Variants in MTA1 observed in about 807,000 individuals in gnomAD.
MTA1 encodes metastasis-associated protein MTA1.
MTA1 carries 15 observed loss-of-function variants against 97.0 expected under a neutral mutation model. That is an observed-to-expected ratio of 0.15 (90% CI 0.10 to 0.24). The LOEUF (loss-of-function observed/expected upper bound fraction) is 0.24. MTA1 is among the 10% of genes least tolerant of loss of function. MTA1 has a pLI of 1.00. For missense variants in MTA1, 709 were observed against 1,015.1 expected, an observed-to-expected ratio of 0.70 and a Z score of 4.10; for synonymous variants, 435 against 417.5, an observed-to-expected ratio of 1.04 and a Z score of -0.51.
intron 2 of MTA1, among the ~76,000 whole-genome samples, chr14:105,439,329 G>C (rs1220545297): frequency 6.6e-6 from 1 of 151,928 alleles, no homozygotes; most frequent in African/African-American, 2.4e-5. Flanking sequence ...TGAGTCCTTG[G>C]CAGTTGCTTG....
At position 105,463,870 on chromosome 14, in the gene MTA1, C is replaced by T; in HGVS notation, c.1077-162C>T. 1.4e-6 allele frequency: 1 copy of T among 731,938 alleles called. No homozygotes were observed. The highest frequency in any genetic ancestry group is 2.7e-5 in the East Asian group (1 of 37,110). The allele number at this position is 731,938 out of a possible 1,614,324, so 45.3% of individuals were successfully genotyped here. On this transcript the variant is annotated intron_variant, in intron 12 of 20. Coordinates refer to ENST00000331320, the MANE Select transcript of MTA1 (RefSeq NM_004689.4). This position sits in a 1 kb window ranked among gnomAD's most constrained non-coding sequence, Gnocchi z 5.9. ...AACGGCTCAGACCTCAGCAGTGGCT[C>T]CCAGGAACTGAAAGGGGAGAAAGGA...
At chr14:105,465,457 C>G (rs1448898651) in intron 16 of MTA1, 2 of 308,170 alleles carry the variant, frequency 6.5e-6, no homozygotes, top group East Asian at 1.0e-4. Flanking sequence ...TCAAGGCACA[C>G]CCGGGGGCTT....
At chr14:105,454,118 C>T (rs587682333) in intron 6 of MTA1, 75 bp from the exon 7 acceptor site, 44 of 1,129,314 alleles carry the variant, frequency 3.9e-5, no homozygotes, top group African/African-American at 2.9e-4. Flanking sequence ...GCAGCCCGGC[C>T]GTGCTGACGC....
At position 105,450,051 on chromosome 14, in the gene MTA1, C is replaced by G. The variant is rs1223559273; in HGVS notation, c.242-7C>G. 1 of 1,613,460 alleles carries G rather than the reference C, an allele frequency of 6.2e-7. No individual in the cohort carries two copies. The highest frequency in any genetic ancestry group is 8.5e-7 in the Non-Finnish European group (1 of 1,179,868). On this transcript the variant is annotated splice_polypyrimidine_tract_variant and splice_region_variant and intron_variant, in intron 4 of 20. Coordinates refer to ENST00000331320, the MANE Select transcript of MTA1 (RefSeq NM_004689.4). The stretch of plus-strand genomic sequence containing the variant: ...CGCGGTGCTGACAGGGGCTCCTTGT[C>G]CTTCAGGGGAAATAGAAGAGGAAAT...
At position 105,463,047 on chromosome 14, in the gene MTA1, C is replaced by A; in HGVS notation, c.943-137C>A. 1.2e-6 allele frequency: 1 copy of A among 817,158 alleles called. No homozygotes were observed. The highest frequency in any genetic ancestry group is 1.6e-5 in the South Asian group (1 of 63,290). 50.6% of individuals were successfully genotyped at this position (817,158 alleles called of 1,614,324 possible). On this transcript the variant is annotated intron_variant, in intron 10 of 20. Coordinates refer to ENST00000331320, the MANE Select transcript of MTA1 (RefSeq NM_004689.4). The surrounding 1 kb of genome is among the most constrained non-coding windows in gnomAD (Gnocchi z 5.9). ...ACCTGCCTGCCAGCAGGGGCCTGGCCTCCGTGCACCAAGCACACCTCGCCC... is the reference window on the plus strand; with the variant it reads ...ACCTGCCTGCCAGCAGGGGCCTGGCATCCGTGCACCAAGCACACCTCGCCC...
intron 2 of MTA1, among the ~76,000 whole-genome samples, chr14:105,441,757 A>G (rs111410235): frequency 0.049 from 7,419 of 152,148 alleles, 237 homozygotes; most frequent in Middle Eastern, 0.12. Flanking sequence ...TCCCGCCACT[A>G]CACTCCAGCC....
At chr14:105,466,665 G>A (rs782808325) in intron 17 of MTA1, 42 bp from the exon 18 acceptor site, 10 of 1,602,870 alleles carry the variant, frequency 6.2e-6, no homozygotes, top group Non-Finnish European at 7.7e-6. Context: ...CGTGCGTGCT[G>A]ACGCTGTCTT....
Position 105,465,137 on chromosome 14 carries a change from G to T in MTA1, c.1578G>T (p.Leu526=), listed in dbSNP as rs1555432373. 2.6e-6 allele frequency: 4 copies of T among 1,525,004 alleles called. No homozygotes were observed. The highest frequency in any genetic ancestry group is 2.5e-5 in the East Asian group (1 of 40,276). 94.5% of individuals were successfully genotyped at this position (1,525,004 alleles called of 1,614,324 possible). ...LPEASQSPLV[L]KQAVRKPLEA... ...AAGCCTCCCAGAGCCCGCTGGTGCT[G>T]AAGCAGGCGGTACGCAAGCCGCTGG... The change falls in exon 16 of 21, where the codon CTG becomes CTT. Residue 526 remains leucine (L), a synonymous_variant. Coordinates refer to ENST00000331320, the MANE Select transcript of MTA1 (RefSeq NM_004689.4).
At chr14:105,440,452 C>T (rs148559872) in intron 2 of MTA1, among the ~76,000 whole-genome samples, 120 of 152,294 alleles carry the variant, frequency 7.9e-4, no homozygotes, top group African/African-American at 2.5e-3. Flanking sequence ...CCTCCGTGGG[C>T]GCCTGGCCGA....
chr14:105,444,328 T>C (rs1441480617), intron 2 of MTA1, among the ~76,000 whole-genome samples: 1 of 151,558 alleles, frequency 6.6e-6, no homozygotes, highest in Non-Finnish European at 1.5e-5. Flanking sequence ...TGAGCCGAGA[T>C]TGCACCACTG....
At chr14:105,455,486 C>T (rs1299513883) in intron 7 of MTA1, among the ~76,000 whole-genome samples, 6 of 152,256 alleles carry the variant, frequency 3.9e-5, no homozygotes, top group Admixed American at 1.3e-4. Flanking sequence ...GCTCTGCCCC[C>T]GAGGGTGGGC....
intron 3 of MTA1, 77 bp from the exon 4 acceptor site, chr14:105,449,282 G>A: frequency 5.4e-6 from 8 of 1,474,066 alleles, no homozygotes; most frequent in Non-Finnish European, 7.3e-6. Context: ...CACAGCCCTC[G>A]GTCCGGGCCC....
rs1329510792 is a variant in MTA1, at chr14:105,422,054, A to T, written c.28+1991A>T. Among the ~76,000 whole-genome samples, 1 of 152,134 alleles carries T rather than the reference A, an allele frequency of 6.6e-6. No homozygotes were observed. Among genetic ancestry groups the T allele is most frequent in the Non-Finnish European group, 1.5e-5 (1 of 68,012 alleles). ...TGCTGGCAGCACAGCCACGCGTGGGATCCAGACTGCTTCTGCGTGTGCAGT... is the reference window on the plus strand; with the variant it reads ...TGCTGGCAGCACAGCCACGCGTGGGTTCCAGACTGCTTCTGCGTGTGCAGT... On this transcript the variant is annotated intron_variant, in intron 1 of 20. Coordinates refer to ENST00000331320, the MANE Select transcript of MTA1 (RefSeq NM_004689.4). This position sits in a 1 kb window ranked among gnomAD's most constrained non-coding sequence, Gnocchi z 4.3.
rs150397068 is a variant in MTA1, at chr14:105,463,249, C to T, written c.1008C>T (p.Tyr336=). 7.1e-4 allele frequency: 1,150 copies of T among 1,610,654 alleles called. 8 individuals are homozygous for T. In the African/African-American group the frequency reaches 0.011, roughly 16 times the overall value. ...YYYMWKTTDR[Y]VQQKRLKAAE... ...ACATGTGGAAGACCACCGACAGATA[C>T]GTGCAGCAGGTGAGCCCGCCCGCCA... The change falls in exon 11 of 21, where the codon TAC becomes TAT. Residue 336 remains tyrosine, a synonymous_variant. Coordinates refer to ENST00000331320, the MANE Select transcript of MTA1 (RefSeq NM_004689.4). This position sits in a 1 kb window ranked among gnomAD's most constrained non-coding sequence, Gnocchi z 5.9.
intron 7 of MTA1, among the ~76,000 whole-genome samples, chr14:105,456,294 C>A (rs587700344): frequency 6.6e-6 from 1 of 152,194 alleles, no homozygotes; most frequent in African/African-American, 2.4e-5. Flanking sequence ...CCTCAGCTGG[C>A]GCATCTGTAC....
In MTA1 at chr14:105,458,328, C is replaced by T; in HGVS notation, c.609C>T (p.Asn203=). ...RLETQVWEAH[N]PLTDKQIDQF... ...AGACCCAGGTGTGGGAGGCGCACAA[C>T]CCACTCACAGACAAGCAGATCGACC... Residue 203 remains asparagine (N), a synonymous_variant, in exon 8 of 21, where the codon AAC becomes AAT. Coordinates refer to ENST00000331320, the MANE Select transcript of MTA1 (RefSeq NM_004689.4). The T allele has an allele frequency of 6.2e-7, 1 of 1,612,768 alleles. No individual in the cohort carries two copies. The highest frequency in any genetic ancestry group is 8.5e-7 in the Non-Finnish European group (1 of 1,179,932).
intron 7 of MTA1, among the ~76,000 whole-genome samples, chr14:105,456,836 T>G (rs1460506659): frequency 6.6e-6 from 1 of 152,204 alleles, no homozygotes; most frequent in Non-Finnish European, 1.5e-5. Context: ...CCAGCCCGCC[T>G]TGCTGGTTCA....
Position 105,470,389 on chromosome 14 carries a change from T to C in MTA1, c.*174T>C. On this transcript the variant is annotated 3_prime_UTR_variant, in exon 21 of 21. Coordinates refer to ENST00000331320, the MANE Select transcript of MTA1 (RefSeq NM_004689.4). Reference sequence around the variant, plus strand: ...AGGAGAGGAAGAAGCGCGGCTAACTTATTCCGAGAATGCCGAGGAGTTGTC... The same window carrying C: ...AGGAGAGGAAGAAGCGCGGCTAACTCATTCCGAGAATGCCGAGGAGTTGTC... The C allele has an allele frequency of 1.8e-6, 1 of 554,044 alleles. No individual in the cohort carries two copies. The highest frequency in any genetic ancestry group is 2.9e-6 in the Non-Finnish European group (1 of 340,340). 34.3% of individuals were successfully genotyped at this position (554,044 alleles called of 1,614,324 possible). A position where few individuals can be genotyped will look rare whatever the true frequency, so the allele number is the denominator to read the frequency against.
intron 2 of MTA1, among the ~76,000 whole-genome samples, chr14:105,441,722 A>G (rs781921235): frequency 6.6e-6 from 1 of 152,178 alleles, no homozygotes; most frequent in Non-Finnish European, 1.5e-5. Flanking sequence ...TGAACCCGGG[A>G]GGTGGAGCTT....
Sources: gnomAD v4.1 joint callset for allele counts (sites outside exome capture counted in the v4.1 genomes callset) on GRCh38, gnomAD v4.1.1 for gene constraint, Gnocchi (gnomAD v3.1) non-coding constraint, MANE v1.5 for transcripts, NCBI Gene and HGNC (gene_info 2026-07-23, HGNC 2026-07-21) for gene names.